The following JARID2 variants were observed in gnomAD, a reference collection of about 807,000 sequenced individuals.
JARID2 encodes jumonji and AT-rich interaction domain containing 2.
Under a neutral mutation model 125.6 loss-of-function variants are expected in JARID2, and 21 were observed. The ratio of observed to expected loss-of-function variants is 0.17; its 90% CI spans 0.12 to 0.24. The LOEUF is 0.24. Ranked by LOEUF, JARID2 falls within the 10% of genes least tolerant of loss-of-function variation. The probability of loss-of-function intolerance (pLI) is 1.00; values close to 1 mark genes in which losing one functional copy is unlikely to be tolerated. For missense variants in JARID2, 1,303 were observed against 1,639.6 expected (o/e 0.79, Z 3.55); for synonymous variants, 736 against 661.6 (o/e 1.11, Z -1.73).
intron 1 of JARID2, among the ~76,000 whole-genome samples, chr6:15,260,317 T>TA (rs1213857305): frequency 6.6e-6 from 1 of 152,200 alleles, no homozygotes; most frequent in Non-Finnish European, 1.5e-5. Context: ...TCTGTGTCTT[T>TA]AAAAATGTTT....
chr6:15,265,377 A>AC (rs1561755975), intron 1 of JARID2, among the ~76,000 whole-genome samples: 1 of 151,910 alleles, frequency 6.6e-6, no homozygotes, highest in African/African-American at 2.4e-5. Context: ...AAAAAAAAAA[A>AC]AACAAAAAAA....
At chr6:15,396,635 C>T (rs1038422191) in intron 2 of JARID2, among the ~76,000 whole-genome samples, 1 of 152,164 alleles carries the variant, frequency 6.6e-6, no homozygotes, top group Non-Finnish European at 1.5e-5. Flanking sequence ...AGAGCATTCA[C>T]GTCCTGGGCA....
intron 1 of JARID2, among the ~76,000 whole-genome samples, chr6:15,270,294 G>T (rs1208209378): frequency 1.3e-5 from 2 of 152,108 alleles, no homozygotes; most frequent in East Asian, 3.9e-4. Context: ...CACCACACCT[G>T]GCTAATTTGG....
chr6:15,443,130 C>T (rs1767518627), intron 3 of JARID2, among the ~76,000 whole-genome samples: 1 of 151,322 alleles, frequency 6.6e-6, no homozygotes, highest in Non-Finnish European at 1.5e-5. Flanking sequence ...GCCTGTTTTC[C>T]ACTTTAGTAT....
chr6:15,341,826 A>G (rs1015653509), intron 1 of JARID2, among the ~76,000 whole-genome samples: 17 of 152,242 alleles, frequency 1.1e-4, no homozygotes, highest in African/African-American at 3.1e-4. Flanking sequence ...ATAGTTTAAT[A>G]TTATGGGAGG....
intron 1 of JARID2, among the ~76,000 whole-genome samples, chr6:15,317,213 G>T (rs1376237326): frequency 6.6e-6 from 1 of 152,146 alleles, no homozygotes; most frequent in African/African-American, 2.4e-5. Context: ...TGAGAAAGGG[G>T]TAAGAAATAG....
chr6:15,398,652 A>G (rs759107552), intron 2 of JARID2, among the ~76,000 whole-genome samples: 1 of 152,216 alleles, frequency 6.6e-6, no homozygotes, highest in Non-Finnish European at 1.5e-5. Flanking sequence ...TGCCTGCATG[A>G]TCAGGAAGTA....
intron 1 of JARID2, among the ~76,000 whole-genome samples, chr6:15,291,865 T>G (rs1761229552): frequency 6.6e-6 from 1 of 152,230 alleles, no homozygotes; most frequent in Admixed American, 6.5e-5. Flanking sequence ...TATACAATTT[T>G]TGTTTTTCTA....
At chr6:15,498,666 A>C (rs139585343) in intron 7 of JARID2, among the ~76,000 whole-genome samples, 154 of 152,314 alleles carry the variant, frequency 1.0e-3, no homozygotes, top group African/African-American at 3.6e-3. Context: ...GGCAGGATGG[A>C]GGTTTCGTGG....
chr6:15,307,737 C>T (rs1424128441), intron 1 of JARID2, among the ~76,000 whole-genome samples: 1 of 152,078 alleles, frequency 6.6e-6, no homozygotes, highest in Non-Finnish European at 1.5e-5. Context: ...CTAGGTTCTC[C>T]CTTTACTTAT....
chr6:15,476,723 C>T (rs2127696364), intron 5 of JARID2, among the ~76,000 whole-genome samples: 1 of 152,324 alleles, frequency 6.6e-6, no homozygotes, highest in Non-Finnish European at 1.5e-5. Flanking sequence ...AATACTCTTC[C>T]ATATACAGAA....
chr6:15,350,890 G>C (rs913782110), intron 1 of JARID2, among the ~76,000 whole-genome samples: 2 of 151,864 alleles, frequency 1.3e-5, no homozygotes, highest in African/African-American at 2.4e-5. Flanking sequence ...CTAGTAACAG[G>C]AAGACGGTCC....
chr6:15,385,848 G>C (rs1307678651), intron 2 of JARID2, among the ~76,000 whole-genome samples: 1 of 152,090 alleles, frequency 6.6e-6, no homozygotes, highest in Non-Finnish European at 1.5e-5. Flanking sequence ...TGACACCCTA[G>C]GCCCCCAGAT....
At chr6:15,419,401 T>C (rs1395409604) in intron 3 of JARID2, among the ~76,000 whole-genome samples, 2 of 152,178 alleles carry the variant, frequency 1.3e-5, no homozygotes, top group Non-Finnish European at 2.9e-5. Flanking sequence ...AAAGTAAATA[T>C]GGGTAAATCT....
At chr6:15,332,494 C>G (rs1383924718) in intron 1 of JARID2, among the ~76,000 whole-genome samples, 1 of 152,208 alleles carries the variant, frequency 6.6e-6, no homozygotes, top group Non-Finnish European at 1.5e-5. Flanking sequence ...TTTAATAGCT[C>G]TGTTCCAAAT....
At chr6:15,280,210 A>T (rs954013141) in intron 1 of JARID2, among the ~76,000 whole-genome samples, 2 of 152,238 alleles carry the variant, frequency 1.3e-5, no homozygotes, top group Non-Finnish European at 2.9e-5. Flanking sequence ...TAATAAAAAA[A>T]AACTTCAGTG....
intron 3 of JARID2, among the ~76,000 whole-genome samples, chr6:15,448,774 C>T (rs1307926487): frequency 6.6e-6 from 1 of 151,968 alleles, no homozygotes; most frequent in Non-Finnish European, 1.5e-5. Flanking sequence ...TGTAGCCTTC[C>T]CTCCTCTGAC....
At chr6:15,354,320 A>G (rs1031364026) in intron 1 of JARID2, among the ~76,000 whole-genome samples, 14 of 152,240 alleles carry the variant, frequency 9.2e-5, no homozygotes, top group African/African-American at 2.2e-4. Flanking sequence ...GGATTCTCTC[A>G]GAGCTTGCAG....
intron 9 of JARID2, among the ~76,000 whole-genome samples, chr6:15,505,549 G>A (rs1312534677): frequency 6.6e-6 from 1 of 152,202 alleles, no homozygotes; most frequent in Non-Finnish European, 1.5e-5. Flanking sequence ...CCTCCTGATA[G>A]CAATTGTCAG....
Sources: gnomAD v4.1 joint callset for allele counts (sites outside exome capture counted in the v4.1 genomes callset) on GRCh38, gnomAD v4.1.1 for gene constraint, MANE v1.5 for transcripts, NCBI Gene and HGNC (gene_info 2026-07-23, HGNC 2026-07-21) for gene names.